TMPRSS15: variants seen among roughly 807,000 people sequenced by gnomAD.
TMPRSS15 encodes the protein transmembrane serine protease 15.
A neutral mutation model predicts 125.3 loss-of-function variants in TMPRSS15; 128 were observed. That is an observed-to-expected ratio of 1.02 (90% CI 0.89 to 1.18). The LOEUF is 1.18. Ranked by LOEUF, TMPRSS15 falls within the 50% of genes most tolerant of loss-of-function variation. TMPRSS15 has a pLI of 0.00. For missense variants in TMPRSS15, 1,283 were observed against 1,212.7 expected (o/e 1.06, Z -0.86); for synonymous variants, 446 against 423.2 (o/e 1.05, Z -0.66).
At chr21:18,389,863 T>A (rs2075976510) in intron 3 of TMPRSS15, among the ~76,000 whole-genome samples, 1 of 152,184 alleles carries the variant, frequency 6.6e-6, no homozygotes, top group South Asian at 2.1e-4. Context: ...GGATCTTTGA[T>A]TCAGTTGTTC....
At chr21:18,307,937 C>T (rs1006287306) in intron 18 of TMPRSS15, among the ~76,000 whole-genome samples, 2 of 152,182 alleles carry the variant, frequency 1.3e-5, no homozygotes, top group African/African-American at 2.4e-5. Context: ...TTTATAATCA[C>T]ATGGTGATCT....
intron 19 of TMPRSS15, among the ~76,000 whole-genome samples, chr21:18,296,372 A>G (rs2074908091): frequency 6.6e-6 from 1 of 152,218 alleles, no homozygotes; most frequent in African/African-American, 2.4e-5. Context: ...ATAAATGAAC[A>G]TATGTCTGAT....
chr21:18,444,726 T>C (rs1280867165), intron 1 of TMPRSS15, among the ~76,000 whole-genome samples: 1 of 152,194 alleles, frequency 6.6e-6, no homozygotes, highest in East Asian at 1.9e-4. Flanking sequence ...TCTCTTTTAG[T>C]TATTTTGAAA....
At chr21:18,295,610 G>A (rs904071180) in intron 19 of TMPRSS15, among the ~76,000 whole-genome samples, 1 of 152,158 alleles carries the variant, frequency 6.6e-6, no homozygotes, top group Non-Finnish European at 1.5e-5. Context: ...GAAAATATAT[G>A]ATAAAGTTTA....
At chr21:18,446,411 C>T (rs1458367602) in intron 1 of TMPRSS15, among the ~76,000 whole-genome samples, 1 of 152,048 alleles carries the variant, frequency 6.6e-6, no homozygotes, top group Non-Finnish European at 1.5e-5. Context: ...CAATCCCTAT[C>T]AAAATACCAA....
At chr21:18,331,857 A>C (rs2075348425) in intron 14 of TMPRSS15, among the ~76,000 whole-genome samples, 1 of 152,222 alleles carries the variant, frequency 6.6e-6, no homozygotes, top group Non-Finnish European at 1.5e-5. Context: ...GTGGGAAATG[A>C]ATGAAATAAT....
chr21:18,386,458 A>G (rs1007301434), intron 3 of TMPRSS15, among the ~76,000 whole-genome samples: 1 of 152,196 alleles, frequency 6.6e-6, no homozygotes, highest in Non-Finnish European at 1.5e-5. Context: ...TAGTTAGCAG[A>G]ATTTTATATA....
chr21:18,467,958 A>G (rs1978700532), intron 1 of TMPRSS15, among the ~76,000 whole-genome samples: 1 of 152,106 alleles, frequency 6.6e-6, no homozygotes, highest in African/African-American at 2.4e-5. Flanking sequence ...AGAAAAAGAA[A>G]GACAAGAGAG....
At chr21:18,332,735 G>A (rs926811113) in intron 13 of TMPRSS15, among the ~76,000 whole-genome samples, 5 of 152,064 alleles carry the variant, frequency 3.3e-5, no homozygotes, top group Non-Finnish European at 7.4e-5. Flanking sequence ...CAGCAATTCC[G>A]CTACTCGGTA....
chr21:18,285,009 AAAAG>A (rs2074745910), intron 21 of TMPRSS15, among the ~76,000 whole-genome samples: 2 of 152,054 alleles, frequency 1.3e-5, no homozygotes, highest in African/African-American at 4.8e-5. Flanking sequence ...CCAAAAAAAA[AAAAG>A]AGAAAAAAAA....
intron 1 of TMPRSS15, among the ~76,000 whole-genome samples, chr21:18,416,962 T>G (rs1161039802): frequency 6.6e-6 from 1 of 152,078 alleles, no homozygotes; most frequent in Non-Finnish European, 1.5e-5. Context: ...ACTGTCTTCA[T>G]AAAGATAGTG....
At chr21:18,372,716 A>G (rs2075804186) in intron 5 of TMPRSS15, among the ~76,000 whole-genome samples, 1 of 152,212 alleles carries the variant, frequency 6.6e-6, no homozygotes, top group Non-Finnish European at 1.5e-5. Context: ...AAGAAACCTA[A>G]TAGCTATTTC....
chr21:18,290,283 A>G (rs1196671769), intron 21 of TMPRSS15, among the ~76,000 whole-genome samples: 1 of 152,222 alleles, frequency 6.6e-6, no homozygotes, highest in Non-Finnish European at 1.5e-5. Context: ...AACAGGACAC[A>G]ACATCAGTAG....
At chr21:18,461,455 C>T (rs2122910482) in intron 1 of TMPRSS15, among the ~76,000 whole-genome samples, 68,178 of 151,650 alleles carry the variant, frequency 0.45, 16,431 homozygotes, top group East Asian at 0.92. Context: ...TCAGTAACAA[C>T]TTAATAAAGC....
At chr21:18,451,234 C>T (rs1306539027) in intron 1 of TMPRSS15, among the ~76,000 whole-genome samples, 4 of 152,056 alleles carry the variant, frequency 2.6e-5, no homozygotes, top group Non-Finnish European at 5.9e-5. Flanking sequence ...GGTAAAATGA[C>T]ATAATGTGAC....
intron 1 of TMPRSS15, among the ~76,000 whole-genome samples, chr21:18,437,513 A>C (rs1195800333): frequency 6.6e-6 from 1 of 152,176 alleles, no homozygotes; most frequent in East Asian, 1.9e-4. Context: ...CACAGCGAAA[A>C]AAACTACCGT....
intron 1 of TMPRSS15, among the ~76,000 whole-genome samples, chr21:18,485,495 AT>A (rs1979061844): frequency 1.3e-5 from 2 of 151,736 alleles, no homozygotes; most frequent in South Asian, 2.1e-4. Context: ...CACACTATTC[AT>A]TTTTTGCTAA....
chr21:18,272,949 C>T (rs1292062090), intron 24 of TMPRSS15, among the ~76,000 whole-genome samples: 1 of 152,112 alleles, frequency 6.6e-6, no homozygotes. Flanking sequence ...TAGTGTGCAT[C>T]AGAATCTCCT....
chr21:18,302,022 G>A (rs1445072919), intron 18 of TMPRSS15, among the ~76,000 whole-genome samples: 2 of 152,150 alleles, frequency 1.3e-5, no homozygotes, highest in Non-Finnish European at 2.9e-5. Flanking sequence ...CCCCTGACTA[G>A]GTTTCTTCTC....
Sources: gnomAD v4.1 joint callset for allele counts (sites outside exome capture counted in the v4.1 genomes callset) on GRCh38, gnomAD v4.1.1 for gene constraint, MANE v1.5 for transcripts, NCBI Gene and HGNC (gene_info 2026-07-23, HGNC 2026-07-21) for gene names.